PEPD: variants seen among roughly 807,000 people sequenced by gnomAD.
PEPD encodes the protein xaa-Pro dipeptidase.
PEPD carries 53 observed loss-of-function variants against 60.7 expected under a neutral mutation model. That is an observed-to-expected ratio of 0.87 (90% confidence interval 0.70 to 1.10). PEPD has a LOEUF of 1.10. Ranked by LOEUF, PEPD falls within the 50% of genes least tolerant of loss-of-function variation. The pLI, the probability that PEPD is intolerant of heterozygous loss-of-function variation, is 0.00. For missense variants in PEPD, 711 were observed against 711.9 expected, an observed-to-expected ratio of 1.00 and a Z score of 0.01; for synonymous variants, 267 against 284.1, an observed-to-expected ratio of 0.94 and a Z score of 0.60.
At chr19:33,426,221 T>C (rs1363894646) in intron 9 of PEPD, among the ~76,000 whole-genome samples, 1 of 152,132 alleles carries the variant, frequency 6.6e-6, no homozygotes, top group Non-Finnish European at 1.5e-5. Flanking sequence ...GATCCCACCT[T>C]GTAGAGTGAG....
chr19:33,426,134 A>G (rs1969142886), intron 9 of PEPD, among the ~76,000 whole-genome samples: 2 of 152,122 alleles, frequency 1.3e-5, no homozygotes, highest in African/African-American at 4.8e-5. Flanking sequence ...TTCAATATTT[A>G]GGGAACACAT....
intron 9 of PEPD, among the ~76,000 whole-genome samples, chr19:33,425,297 A>AAACAAAC (rs1969119340): frequency 2.1e-4 from 32 of 151,096 alleles, no homozygotes; most frequent in Non-Finnish European, 4.1e-4. Context: ...ATTCAGTCTC[A>AAACAAAC]AAACAAACAA....
chr19:33,457,355 C>T (rs367869840), intron 9 of PEPD, among the ~76,000 whole-genome samples: 2 of 152,094 alleles, frequency 1.3e-5, no homozygotes, highest in Admixed American at 6.5e-5. Context: ...CACTTGAGCC[C>T]GGGAGGCAGA....
At chr19:33,512,817 T>C (rs1386877626) in intron 1 of PEPD, 41 bp from the exon 2 acceptor site, 7 of 1,608,448 alleles carry the variant, frequency 4.4e-6, no homozygotes, top group Non-Finnish European at 6.0e-6. Flanking sequence ...AGGCCTCTGT[T>C]AGCATCTCCA....
chr19:33,512,588 C>G lies in PEPD; in HGVS notation c.201+5G>C. 1 of 1,613,072 alleles carries G rather than the reference C, an allele frequency of 6.2e-7. No homozygotes were observed. Among genetic ancestry groups the G allele is most frequent in the Non-Finnish European group, 8.5e-7 (1 of 1,179,804 alleles). On this transcript the variant is annotated splice_donor_5th_base_variant and intron_variant, in intron 2 of 14. Transcript: ENST00000244137. ...GCTCACTTGTGGCCAAGCGGGGAGG[C>G]TCACCTGGCGGAAGAGGACCCCGGT...
chr19:33,434,721 G>C lies in PEPD; in HGVS notation c.672-21078C>G, dbSNP rs529629492. Among the ~76,000 whole-genome samples, 339 of 152,266 alleles carry C rather than the reference G, an allele frequency of 2.2e-3. 2 individuals carry two copies. Among genetic ancestry groups the C allele is most frequent in the Non-Finnish European group, 3.1e-3 (209 of 68,014 alleles). ...GGGTGGGGAGAAAGCTGCCACCCAGGGTGTCCAAATCAGCTGGGAAAGGTC... is the reference window on the plus strand; with the variant it reads ...GGGTGGGGAGAAAGCTGCCACCCAGCGTGTCCAAATCAGCTGGGAAAGGTC... On this transcript the variant is annotated intron_variant, in intron 9 of 14. Transcript: ENST00000244137.
chr19:33,442,161 G>T (rs1969490382), intron 9 of PEPD, among the ~76,000 whole-genome samples: 2 of 152,210 alleles, frequency 1.3e-5, no homozygotes, highest in Admixed American at 1.3e-4. Context: ...CACTTTAGGA[G>T]GCCGAGGTGG....
chr19:33,465,472 T>A (rs963503287), intron 7 of PEPD, among the ~76,000 whole-genome samples: 1 of 152,014 alleles, frequency 6.6e-6, no homozygotes, highest in Non-Finnish European at 1.5e-5. Flanking sequence ...GTCTCCTTGA[T>A]TCGATGGAGG....
chr19:33,393,417 G>A (rs1174254404), intron 12 of PEPD, among the ~76,000 whole-genome samples: 1 of 152,096 alleles, frequency 6.6e-6, no homozygotes, highest in Non-Finnish European at 1.5e-5. Context: ...CGCACCCCTG[G>A]CTTTTCTGAG....
chr19:33,448,424 G>A (rs907626061), intron 9 of PEPD, among the ~76,000 whole-genome samples: 2 of 152,206 alleles, frequency 1.3e-5, no homozygotes, highest in Non-Finnish European at 2.9e-5. Flanking sequence ...CGGCATGGAA[G>A]AACAGGAAAG....
In PEPD at chr19:33,388,069, T is replaced by C. The variant is rs1340262215; in HGVS notation, c.1165A>G (p.Ile389Val). The change falls in exon 14 of 15, where the codon ATC becomes GTC. Residue 389 changes from isoleucine (I) to valine (V), a missense_variant. Ile to Val is a conservative substitution (Grantham distance 29). Coordinates refer to ENST00000244137, the MANE Select transcript of PEPD (RefSeq NM_000285.4). ...AGGCTCCGCAGGCCGGGCTCGTCGA[T>C]GCGCTCCACGCCCTGTGGGGAACAG... ...VGGYPEGVER[I>V]DEPGLRSLRT... 1.9e-6 allele frequency: 3 copies of C among 1,549,254 alleles called. No homozygotes were observed. The highest frequency in any genetic ancestry group is 1.7e-6 in the Non-Finnish European group (2 of 1,147,830).
intron 9 of PEPD, among the ~76,000 whole-genome samples, chr19:33,458,031 A>G (rs1386817158): frequency 6.6e-6 from 1 of 152,088 alleles, no homozygotes; most frequent in Non-Finnish European, 1.5e-5. Flanking sequence ...GGTGTGGTAC[A>G]TACCGTGTAT....
At chr19:33,460,945 G>A (rs1309646077) in intron 9 of PEPD, among the ~76,000 whole-genome samples, 1 of 152,168 alleles carries the variant, frequency 6.6e-6, no homozygotes, top group Non-Finnish European at 1.5e-5. Flanking sequence ...CCAGAGCTCA[G>A]GTTCACGACA....
chr19:33,512,175 G>A (rs1372376521), intron 2 of PEPD, among the ~76,000 whole-genome samples: 2 of 152,202 alleles, frequency 1.3e-5, no homozygotes, highest in African/African-American at 4.8e-5. Context: ...AGAGTTGGAA[G>A]ACAAAGTTCT....
intron 3 of PEPD, among the ~76,000 whole-genome samples, chr19:33,507,358 C>T (rs1262116910): frequency 6.6e-6 from 1 of 152,196 alleles, no homozygotes; most frequent in East Asian, 1.9e-4. Flanking sequence ...AAAGACACCA[C>T]ACACTATTGT....
At chr19:33,463,364 C>T (rs751201244) in intron 8 of PEPD, among the ~76,000 whole-genome samples, 2 of 152,176 alleles carry the variant, frequency 1.3e-5, no homozygotes, top group Non-Finnish European at 2.9e-5. Context: ...CTTAATGCCA[C>T]GAAAGCTATG....
At chr19:33,455,714 A>G (rs1187295095) in intron 9 of PEPD, among the ~76,000 whole-genome samples, 1 of 140,842 alleles carries the variant, frequency 7.1e-6, no homozygotes, top group African/African-American at 2.7e-5. Flanking sequence ...GAGGTCTCCT[A>G]TGTTGCCCAG....
At chr19:33,473,365 G>A (rs1475518757) in intron 7 of PEPD, among the ~76,000 whole-genome samples, 1 of 151,816 alleles carries the variant, frequency 6.6e-6, no homozygotes, top group African/African-American at 2.4e-5. Context: ...CCAGGATGTA[G>A]AATCCTGGGA....
In PEPD at chr19:33,437,374, C is replaced by T. The variant is rs534619576; in HGVS notation, c.672-23731G>A. ...CCAAGTATTTGGCAGGAACCAGTTG[C>T]ATCAATAAAGAAATGCCAATTTTCA... On this transcript the variant is annotated intron_variant, in intron 9 of 14. Coordinates refer to ENST00000244137, the MANE Select transcript of PEPD (RefSeq NM_000285.4). Among the ~76,000 whole-genome samples, 76 of 151,906 alleles carry T rather than the reference C, an allele frequency of 5.0e-4. 1 individual carries two copies. The highest frequency in any genetic ancestry group is 2.0e-3 in the Admixed American group (30 of 15,234).
Sources: gnomAD v4.1 joint callset for allele counts (sites outside exome capture counted in the v4.1 genomes callset) on GRCh38, gnomAD v4.1.1 for gene constraint, MANE v1.5 for transcripts, NCBI Gene and HGNC (gene_info 2026-07-23, HGNC 2026-07-21) for gene names.